The following CCBE1 variants were observed in gnomAD, a reference collection of about 807,000 sequenced individuals.
CCBE1 encodes the protein collagen and calcium binding EGF domains 1.
Under a neutral mutation model 50.0 loss-of-function variants are expected in CCBE1, and 37 were observed. That is an observed-to-expected ratio of 0.74 (90% CI 0.57 to 0.97). CCBE1 has a LOEUF of 0.97. CCBE1 is among the 50% of genes least tolerant of loss of function. CCBE1 has a pLI of 0.00. For synonymous variants in CCBE1, 234 were observed against 203.7 expected (o/e 1.15, Z -1.27); for missense variants, 538 against 523.8 (o/e 1.03, Z -0.26).
intron 2 of CCBE1, among the ~76,000 whole-genome samples, chr18:59,550,262 G>T (rs971041642): frequency 3.3e-5 from 5 of 152,088 alleles, no homozygotes; most frequent in Admixed American, 6.5e-5. Context: ...TCCACTGCCT[G>T]TTTTATGAAT....
At chr18:59,481,361 G>A (rs1480450462) in intron 2 of CCBE1, among the ~76,000 whole-genome samples, 1 of 152,166 alleles carries the variant, frequency 6.6e-6, no homozygotes, top group East Asian at 1.9e-4. Flanking sequence ...CTGGTACTTG[G>A]AGTTGTAGAG....
chr18:59,688,169 C>G (rs2054682549), intron 2 of CCBE1: 1 of 152,022 alleles, frequency 6.6e-6, no homozygotes, highest in African/African-American at 2.4e-5. Flanking sequence ...TTCTACTATA[C>G]TAATTCAAAA....
intron 2 of CCBE1, among the ~76,000 whole-genome samples, chr18:59,616,676 CA>C (rs2053640833): frequency 6.6e-6 from 1 of 152,166 alleles, no homozygotes; most frequent in Non-Finnish European, 1.5e-5. Flanking sequence ...GTTCGGTACA[CA>C]AAAGAGTCTG....
chr18:59,693,808 A>G (rs1187577464), intron 2 of CCBE1, among the ~76,000 whole-genome samples: 1 of 151,446 alleles, frequency 6.6e-6, no homozygotes. Flanking sequence ...AGCCTCAGTG[A>G]AAATTGTTTT....
At chr18:59,579,874 T>C (rs1039436905) in intron 2 of CCBE1, among the ~76,000 whole-genome samples, 1 of 152,110 alleles carries the variant, frequency 6.6e-6, no homozygotes, top group Non-Finnish European at 1.5e-5. Flanking sequence ...CCACCACCTT[T>C]ACCCCTAGAA....
chr18:59,505,262 C>T (rs987021865), intron 2 of CCBE1, among the ~76,000 whole-genome samples: 5 of 152,110 alleles, frequency 3.3e-5, no homozygotes, highest in African/African-American at 1.2e-4. Flanking sequence ...GCCAAAGGAC[C>T]ACATGATGGC....
intron 2 of CCBE1, among the ~76,000 whole-genome samples, chr18:59,547,450 A>G (rs1231005124): frequency 6.6e-6 from 1 of 152,186 alleles, no homozygotes; most frequent in Non-Finnish European, 1.5e-5. Flanking sequence ...TCCAGAAGGC[A>G]ATAGCAGACA....
intron 2 of CCBE1, among the ~76,000 whole-genome samples, chr18:59,572,506 C>T (rs1482280019): frequency 6.6e-6 from 1 of 152,152 alleles, no homozygotes; most frequent in Non-Finnish European, 1.5e-5. Context: ...AAATGAAATA[C>T]TTCAAGAAAA....
At chr18:59,620,734 C>T (rs1455835747) in intron 2 of CCBE1, among the ~76,000 whole-genome samples, 1 of 152,180 alleles carries the variant, frequency 6.6e-6, no homozygotes, top group African/African-American at 2.4e-5. Context: ...TATAAGACAT[C>T]CCTTTGCTCT....
chr18:59,664,509 C>G (rs1166906278), intron 2 of CCBE1, among the ~76,000 whole-genome samples: 4 of 152,150 alleles, frequency 2.6e-5, no homozygotes, highest in Admixed American at 2.6e-4. Context: ...GCAAGACATC[C>G]ACAATAAACA....
chr18:59,469,500 G>A lies in CCBE1; in HGVS notation c.373C>T (p.Arg125Trp), dbSNP rs147208835. ...PGYRYDRERH[R>W]KREKPYCLDI... ...AGACAGTATGGCTTCTCCCGCTTCC[G>A]GTGTCTCTCCCGGTCATATCGGTAT... Residue 125 changes from arginine (R) to tryptophan (W), a missense_variant, in exon 4 of 11, where the codon CGG becomes TGG. Physicochemically the swap from Arg to Trp is moderately radical, Grantham distance 101. Transcript: ENST00000439986. 201 of 1,613,988 alleles carry A rather than the reference G, an allele frequency of 1.2e-4. No homozygotes were observed. Among genetic ancestry groups the A allele is most frequent in the Middle Eastern group, 1.7e-4 (1 of 6,052 alleles).
intron 2 of CCBE1, among the ~76,000 whole-genome samples, chr18:59,566,815 G>GA (rs1022959870): frequency 2.0e-5 from 3 of 151,538 alleles, no homozygotes; most frequent in Admixed American, 1.3e-4. Flanking sequence ...CAACCCCCAA[G>GA]AAAAAAAATG....
At chr18:59,628,789 T>C (rs2053818270) in intron 2 of CCBE1, among the ~76,000 whole-genome samples, 1 of 152,030 alleles carries the variant, frequency 6.6e-6, no homozygotes, top group African/African-American at 2.4e-5. Context: ...ACTACTGAGC[T>C]CCCCAAATCT....
intron 2 of CCBE1, among the ~76,000 whole-genome samples, chr18:59,511,410 G>C (rs183379830): frequency 6.6e-6 from 1 of 152,308 alleles, no homozygotes; most frequent in East Asian, 1.9e-4. Context: ...AGAACCTCTT[G>C]CTCCATCATC....
intron 2 of CCBE1, among the ~76,000 whole-genome samples, chr18:59,616,713 A>G (rs1246666677): frequency 1.3e-5 from 2 of 152,266 alleles, no homozygotes; most frequent in Non-Finnish European, 1.5e-5. Context: ...TGCCAGGATT[A>G]GACAAGTTGC....
chr18:59,467,734 C>G (rs1461369695), intron 4 of CCBE1, among the ~76,000 whole-genome samples: 1 of 152,206 alleles, frequency 6.6e-6, no homozygotes, highest in Non-Finnish European at 1.5e-5. Flanking sequence ...CATGCAGCCC[C>G]AGACTGTGCA....
chr18:59,538,846 A>AT (rs1038608112), intron 2 of CCBE1, among the ~76,000 whole-genome samples: 55 of 152,280 alleles, frequency 3.6e-4, no homozygotes, highest in African/African-American at 1.3e-3. Flanking sequence ...TAACCAGCAG[A>AT]TATGGCAAGG....
chr18:59,552,172 A>G (rs2000887), intron 2 of CCBE1, among the ~76,000 whole-genome samples: 121,232 of 152,198 alleles, frequency 0.8, 48,911 homozygotes, highest in African/African-American at 0.92. Context: ...GACATTCCAA[A>G]AAGTGGTAAG....
chr18:59,450,910 T>C (rs1910899990), intron 6 of CCBE1, among the ~76,000 whole-genome samples: 1 of 152,156 alleles, frequency 6.6e-6, no homozygotes, highest in Non-Finnish European at 1.5e-5. Flanking sequence ...AACCACACAT[T>C]ATTGAGAAGC....
Sources: gnomAD v4.1 joint callset for allele counts (sites outside exome capture counted in the v4.1 genomes callset) on GRCh38, gnomAD v4.1.1 for gene constraint, MANE v1.5 for transcripts, NCBI Gene and HGNC (gene_info 2026-07-23, HGNC 2026-07-21) for gene names.